Variants in ST6GALNAC3 observed in about 807,000 individuals in gnomAD.
The protein encoded by ST6GALNAC3 is alpha-N-acetylgalactosaminide alpha-2,6-sialyltransferase 3.
A neutral mutation model predicts 32.7 loss-of-function variants in ST6GALNAC3; 25 were observed. The ratio of observed to expected loss-of-function variants is 0.76; its 90% CI spans 0.56 to 1.07. The LOEUF is 1.07. Among genes scored for constraint, ST6GALNAC3 ranks in the 50% least tolerant of loss-of-function variants. ST6GALNAC3 has a pLI of 0.00. For missense variants in ST6GALNAC3, 355 were observed against 382.4 expected (o/e 0.93, Z 0.60); for synonymous variants, 129 against 133.1 (o/e 0.97, Z 0.21).
intron 1 of ST6GALNAC3, among the ~76,000 whole-genome samples, chr1:76,103,763 T>C (rs1157478234): frequency 6.6e-6 from 1 of 152,160 alleles, no homozygotes; most frequent in Non-Finnish European, 1.5e-5. Flanking sequence ...TGTCCCTCCA[T>C]TTCACATGGC....
intron 1 of ST6GALNAC3, among the ~76,000 whole-genome samples, chr1:76,305,187 G>GC (rs1660972857): frequency 6.6e-6 from 1 of 152,010 alleles, no homozygotes; most frequent in Non-Finnish European, 1.5e-5. Context: ...GATGGGTCAG[G>GC]TCCATATCTA....
At chr1:76,451,601 G>C (rs1056147010) in intron 3 of ST6GALNAC3, among the ~76,000 whole-genome samples, 1 of 152,216 alleles carries the variant, frequency 6.6e-6, no homozygotes, top group East Asian at 1.9e-4. Flanking sequence ...TTTCAGCAAT[G>C]TTTTGTAGTT....
At chr1:76,513,921 G>T (rs4418663) in intron 3 of ST6GALNAC3, among the ~76,000 whole-genome samples, 16,178 of 152,094 alleles carry the variant, frequency 0.11, 982 homozygotes, top group East Asian at 0.22. Context: ...GGAAACTATT[G>T]TAAATGGAAT....
intron 3 of ST6GALNAC3, among the ~76,000 whole-genome samples, chr1:76,549,660 ATT>A (rs943619422): frequency 1.1e-4 from 16 of 150,978 alleles, no homozygotes; most frequent in Admixed American, 9.9e-4. Context: ...TCTTTTACAT[ATT>A]TTTTTTTGTC....
At chr1:76,554,167 G>C (rs1218353298) in intron 3 of ST6GALNAC3, among the ~76,000 whole-genome samples, 1 of 152,094 alleles carries the variant, frequency 6.6e-6, no homozygotes, top group Non-Finnish European at 1.5e-5. Context: ...TTATCTCCTT[G>C]ATTAACTATG....
intron 2 of ST6GALNAC3, among the ~76,000 whole-genome samples, chr1:76,376,175 A>G (rs1360505103): frequency 6.6e-6 from 1 of 152,118 alleles, no homozygotes; most frequent in African/African-American, 2.4e-5. Context: ...GTAAGAAATA[A>G]TACAAAGAGA....
intron 1 of ST6GALNAC3, among the ~76,000 whole-genome samples, chr1:76,187,258 A>G (rs1653612740): frequency 6.6e-6 from 1 of 152,190 alleles, no homozygotes; most frequent in Non-Finnish European, 1.5e-5. Flanking sequence ...TTCTTTAGCC[A>G]AAATACCTTG....
At chr1:76,121,206 A>G (rs1403604461) in intron 1 of ST6GALNAC3, among the ~76,000 whole-genome samples, 2 of 152,196 alleles carry the variant, frequency 1.3e-5, no homozygotes, top group African/African-American at 4.8e-5. Flanking sequence ...GGAGATTAGG[A>G]TGTTGGCATT....
intron 3 of ST6GALNAC3, among the ~76,000 whole-genome samples, chr1:76,596,453 T>A (rs1647138326): frequency 2.0e-5 from 3 of 152,166 alleles, no homozygotes; most frequent in South Asian, 4.1e-4. Context: ...AGAAAAAAGA[T>A]ATAAAGTGTA....
intron 3 of ST6GALNAC3, among the ~76,000 whole-genome samples, chr1:76,577,617 T>C (rs1378254231): frequency 6.6e-6 from 1 of 151,842 alleles, no homozygotes; most frequent in Non-Finnish European, 1.5e-5. Flanking sequence ...TCTGGTAAAG[T>C]GGGGAGATAT....
chr1:76,605,320 C>T, intron 3 of ST6GALNAC3, among the ~76,000 whole-genome samples: 1 of 152,124 alleles, frequency 6.6e-6, no homozygotes, highest in East Asian at 1.9e-4. Flanking sequence ...TTTGTCTCTG[C>T]TTCTGAACTA....
chr1:76,227,528 T>A (rs1166193814), intron 1 of ST6GALNAC3, among the ~76,000 whole-genome samples: 3 of 152,226 alleles, frequency 2.0e-5, no homozygotes, highest in Admixed American at 6.5e-5. Context: ...AGTAAATCTT[T>A]GCAAAATAAA....
intron 1 of ST6GALNAC3, among the ~76,000 whole-genome samples, chr1:76,120,311 T>C (rs2100833902): frequency 6.6e-6 from 1 of 152,250 alleles, no homozygotes; most frequent in South Asian, 2.1e-4. Context: ...TCCTTGAGAA[T>C]TGTGGCCACA....
At chr1:76,519,198 A>C (rs1662361852) in intron 3 of ST6GALNAC3, among the ~76,000 whole-genome samples, 1 of 151,984 alleles carries the variant, frequency 6.6e-6, no homozygotes, top group African/African-American at 2.4e-5. Flanking sequence ...TATATCCTCA[A>C]ATATTTTCTT....
intron 1 of ST6GALNAC3, among the ~76,000 whole-genome samples, chr1:76,225,268 G>A (rs1320115176): frequency 6.6e-6 from 1 of 152,124 alleles, no homozygotes; most frequent in African/African-American, 2.4e-5. Flanking sequence ...CCAAAGAACA[G>A]TCTCTCCCTA....
At chr1:76,102,235 T>TTGTGTG (rs60454163) in intron 1 of ST6GALNAC3, among the ~76,000 whole-genome samples, 515 of 147,520 alleles carry the variant, frequency 3.5e-3, no homozygotes, top group African/African-American at 7.0e-3. Context: ...CCTGGTGTGT[T>TTGTGTG]TGTGTGTGTG....
chr1:76,147,353 G>C (rs902837680), intron 1 of ST6GALNAC3, among the ~76,000 whole-genome samples: 1 of 152,114 alleles, frequency 6.6e-6, no homozygotes, highest in African/African-American at 2.4e-5. Flanking sequence ...GTGAGCTGCT[G>C]TTCCTGGCCT....
intron 1 of ST6GALNAC3, among the ~76,000 whole-genome samples, chr1:76,299,189 G>T (rs1660584017): frequency 6.6e-6 from 1 of 152,032 alleles, no homozygotes; most frequent in Non-Finnish European, 1.5e-5. Flanking sequence ...GTGAATTGGT[G>T]GCTAGGTGCT....
At chr1:76,587,350 C>T (rs1323134600) in intron 3 of ST6GALNAC3, among the ~76,000 whole-genome samples, 1 of 152,072 alleles carries the variant, frequency 6.6e-6, no homozygotes, top group Non-Finnish European at 1.5e-5. Flanking sequence ...CTGGCTGGTC[C>T]CCATGGAGAC....
Sources: gnomAD v4.1 joint callset for allele counts (sites outside exome capture counted in the v4.1 genomes callset) on GRCh38, gnomAD v4.1.1 for gene constraint, MANE v1.5 for transcripts, NCBI Gene and HGNC (gene_info 2026-07-23, HGNC 2026-07-21) for gene names.